The following GRIN2B variants were observed in gnomAD, a reference collection of about 807,000 sequenced individuals.
GRIN2B encodes glutamate ionotropic receptor NMDA type subunit 2B.
In GRIN2B, 5 loss-of-function variants were observed where a neutral mutation model predicts 114.5. That is an observed-to-expected ratio of 0.04 (90% CI 0.02 to 0.09). The LOEUF is 0.09. GRIN2B is among the 10% of genes least tolerant of loss of function. The pLI is 1.00. For missense variants in GRIN2B, 1,108 were observed against 1,943.5 expected (o/e 0.57, Z 8.08); for synonymous variants, 787 against 745.1 (o/e 1.06, Z -0.92).
intron 2 of GRIN2B, among the ~76,000 whole-genome samples, chr12:13,883,499 T>C (rs1307897056): frequency 6.6e-6 from 1 of 152,148 alleles, no homozygotes; most frequent in Non-Finnish European, 1.5e-5. Context: ...TTCATTTTAC[T>C]TGGTGTTCAG....
rs539388523 is a variant in GRIN2B at position 13,546,144 on chromosome 12, T to C, written c.*16639A>G. On this transcript the variant is annotated 3_prime_UTR_variant, in exon 14 of 14. Coordinates refer to ENST00000609686, the MANE Select transcript of GRIN2B (RefSeq NM_000834.5). ...ATTGAAAAAAAAAGGTTCAGCTAAC[T>C]CCATTCCCCTGATATATTCAGTTCT... is the stretch of plus-strand genomic sequence containing the variant. The C allele has an allele frequency of 3.3e-5, 5 of 152,274 alleles. No homozygotes were observed. Among genetic ancestry groups the C allele is most frequent in the Admixed American group, 6.5e-5 (1 of 15,292 alleles). 9.4% of individuals were successfully genotyped at this position (152,274 alleles called of 1,614,324 possible).
intron 3 of GRIN2B, among the ~76,000 whole-genome samples, chr12:13,814,019 G>A (rs982978001): frequency 1.3e-5 from 2 of 152,176 alleles, no homozygotes; most frequent in African/African-American, 4.8e-5. Flanking sequence ...TGATAAATGT[G>A]TCACCACTTG....
At chr12:13,891,591 T>C (rs1866262956) in intron 2 of GRIN2B, among the ~76,000 whole-genome samples, 1 of 150,818 alleles carries the variant, frequency 6.6e-6, no homozygotes. Flanking sequence ...TCTCACCTAC[T>C]GTACAAATGT....
At chr12:13,808,617 A>C (rs534477387) in intron 3 of GRIN2B, among the ~76,000 whole-genome samples, 12 of 151,864 alleles carry the variant, frequency 7.9e-5, no homozygotes, top group Admixed American at 2.0e-4. Flanking sequence ...GGGGGGAGGG[A>C]TAGCTTAAGG....
chr12:13,816,436 A>C (rs1405179890), intron 3 of GRIN2B, among the ~76,000 whole-genome samples: 1 of 152,154 alleles, frequency 6.6e-6, no homozygotes, highest in African/African-American at 2.4e-5. Flanking sequence ...ATTTTCCCAT[A>C]CTTAAAAGAG....
chr12:13,884,952 T>C lies in GRIN2B; in HGVS notation c.-18-18726A>G, dbSNP rs1030316020. On this transcript the variant is annotated intron_variant, in intron 2 of 13. Coordinates refer to ENST00000609686, the MANE Select transcript of GRIN2B (RefSeq NM_000834.5). ...AGTTGTGCACTTAAATTAGCACATG[T>C]AGTGGTTATTTTGGTTAGAGTTTGA... Among the ~76,000 whole-genome samples the C allele has an allele frequency of 2.6e-5, 4 of 152,140 alleles. No homozygotes were observed. The East Asian group carries it at 5.8e-4, about 22-fold the overall frequency.
Position 13,620,167 on chromosome 12 carries a change from A to G in GRIN2B, c.1126-3510T>C, listed in dbSNP as rs183677338. ...AACGTAAATGATAGCTGAGGAGGTA[A>G]GAGTTATTTATCTGCCAAGGAAAGG... On this transcript the variant is annotated intron_variant, in intron 5 of 13. Transcript: ENST00000609686. Among the ~76,000 whole-genome samples the G allele has an allele frequency of 1.1e-3, 174 of 152,320 alleles. 1 individual carries two copies. Among genetic ancestry groups the G allele is most frequent in the Admixed American group, 3.3e-3 (51 of 15,298 alleles).
chr12:13,595,314 G>A (rs1038369457), intron 10 of GRIN2B, among the ~76,000 whole-genome samples: 1 of 152,014 alleles, frequency 6.6e-6, no homozygotes. Flanking sequence ...TTGCCTGGTG[G>A]ATCCTGCCTG....
chr12:13,823,416 T>A (rs1365094636), intron 3 of GRIN2B, among the ~76,000 whole-genome samples: 2 of 152,028 alleles, frequency 1.3e-5, no homozygotes, highest in Admixed American at 1.3e-4. Flanking sequence ...TTCCATGGTT[T>A]TGATGCTACT....
chr12:13,608,580 G>A (rs779067053), intron 10 of GRIN2B, 23 bp downstream of exon 10: 1 of 1,518,676 alleles, frequency 6.6e-7, no homozygotes, highest in Non-Finnish European at 9.1e-7. Flanking sequence ...GGAAAGACGG[G>A]AGATTTCAAA....
intron 4 of GRIN2B, among the ~76,000 whole-genome samples, chr12:13,688,469 G>A (rs1950189259): frequency 6.6e-6 from 1 of 152,120 alleles, no homozygotes; most frequent in Admixed American, 6.5e-5. Context: ...GAGAACCCCA[G>A]TCTCTAAGGG....
intron 3 of GRIN2B, among the ~76,000 whole-genome samples, chr12:13,811,415 C>G (rs942994035): frequency 2.6e-5 from 4 of 152,144 alleles, no homozygotes; most frequent in African/African-American, 9.7e-5. Flanking sequence ...GAGACCTCAA[C>G]TCTACAAAAG....
At chr12:13,899,235 G>A (rs1866404627) in intron 2 of GRIN2B, among the ~76,000 whole-genome samples, 1 of 151,086 alleles carries the variant, frequency 6.6e-6, no homozygotes, top group African/African-American at 2.4e-5. Flanking sequence ...TTGTTTTGAA[G>A]TCAAAAAAAC....
chr12:13,677,990 C>T (rs762317120), intron 4 of GRIN2B, among the ~76,000 whole-genome samples: 1 of 152,188 alleles, frequency 6.6e-6, no homozygotes, highest in Non-Finnish European at 1.5e-5. Context: ...GGCAGATGCA[C>T]CTGACAGCAA....
At chr12:13,717,533 A>G (rs1264709837) in intron 4 of GRIN2B, among the ~76,000 whole-genome samples, 2 of 151,974 alleles carry the variant, frequency 1.3e-5, no homozygotes, top group African/African-American at 4.8e-5. Flanking sequence ...CTAACCCAGT[A>G]GCCTATACAA....
chr12:13,703,711 G>A (rs1374795570), intron 4 of GRIN2B, among the ~76,000 whole-genome samples: 1 of 152,056 alleles, frequency 6.6e-6, no homozygotes, highest in Non-Finnish European at 1.5e-5. Context: ...CACAAAAACT[G>A]GATAACCACC....
At chr12:13,702,600 G>A (rs57687740) in intron 4 of GRIN2B, among the ~76,000 whole-genome samples, 843 of 71,144 alleles carry the variant, frequency 0.012, 8 homozygotes, top group African/African-American at 0.044. Flanking sequence ...TCCGCCCTCC[G>A]GGGGGTCCAT....
chr12:13,950,809 A>C (rs2136847752), intron 2 of GRIN2B, among the ~76,000 whole-genome samples: 1 of 152,328 alleles, frequency 6.6e-6, no homozygotes, highest in South Asian at 2.1e-4. Context: ...TTTAGGTAAA[A>C]TATTACTTTG....
chr12:13,760,575 T>C (rs73053644), intron 3 of GRIN2B, among the ~76,000 whole-genome samples: 25,663 of 152,190 alleles, frequency 0.17, 2,749 homozygotes, highest in Non-Finnish European at 0.25. Context: ...ATTCTCCTTC[T>C]TTTCTTCTAA....
Sources: gnomAD v4.1 joint callset for allele counts (sites outside exome capture counted in the v4.1 genomes callset) on GRCh38, gnomAD v4.1.1 for gene constraint, MANE v1.5 for transcripts, NCBI Gene and HGNC (gene_info 2026-07-23, HGNC 2026-07-21) for gene names.